The following DACH1 variants were observed in gnomAD, a reference collection of about 807,000 sequenced individuals.
DACH1 encodes the protein dachshund family transcription factor 1.
DACH1 carries 12 observed loss-of-function variants against 54.2 expected under a neutral mutation model. The ratio of observed to expected loss-of-function variants is 0.22; its 90% confidence interval spans 0.14 to 0.36. The LOEUF is 0.36. Among genes scored for constraint, DACH1 ranks in the 10% least tolerant of loss-of-function variants. DACH1 has a pLI of 1.00. For synonymous variants in DACH1, 386 were observed against 366.2 expected, an observed-to-expected ratio of 1.05 and a Z score of -0.62; for missense variants, 805 against 929.8, an observed-to-expected ratio of 0.87 and a Z score of 1.75.
intron 10 of DACH1, among the ~76,000 whole-genome samples, chr13:71,441,214 C>G (rs550783288): frequency 1.2e-4 from 19 of 152,074 alleles, no homozygotes; most frequent in Non-Finnish European, 2.2e-4. Context: ...TGAACTATAG[C>G]CTTTACCCCT....
chr13:71,561,822 A>G (rs1442816971), intron 4 of DACH1, among the ~76,000 whole-genome samples: 3 of 152,148 alleles, frequency 2.0e-5, no homozygotes, highest in Non-Finnish European at 2.9e-5. Flanking sequence ...TACATTGCCA[A>G]TAAACATCTT....
chr13:71,520,265 T>A (rs1052925981), intron 6 of DACH1, among the ~76,000 whole-genome samples: 14 of 151,640 alleles, frequency 9.2e-5, no homozygotes, highest in African/African-American at 4.8e-5. Flanking sequence ...ATGGTAAGAA[T>A]TAGGTGTAAT....
intron 1 of DACH1, among the ~76,000 whole-genome samples, chr13:71,709,433 T>G (rs1276312755): frequency 6.7e-6 from 1 of 149,494 alleles, no homozygotes; most frequent in African/African-American, 2.5e-5. Flanking sequence ...TCTTGTGCTG[T>G]CCTGCTTTGT....
intron 1 of DACH1, among the ~76,000 whole-genome samples, chr13:71,728,289 A>G (rs1237499475): frequency 1.3e-5 from 2 of 152,000 alleles, no homozygotes; most frequent in Non-Finnish European, 2.9e-5. Context: ...CAAAACTATG[A>G]TCATATCTCT....
chr13:71,829,848 T>C (rs1888516022), intron 1 of DACH1, among the ~76,000 whole-genome samples: 1 of 151,900 alleles, frequency 6.6e-6, no homozygotes, highest in Non-Finnish European at 1.5e-5. Flanking sequence ...TTATGTACTT[T>C]CTATTTGAGA....
chr13:71,635,460 T>C (rs574841217), intron 2 of DACH1, among the ~76,000 whole-genome samples: 10 of 152,240 alleles, frequency 6.6e-5, no homozygotes, highest in African/African-American at 9.6e-5. Context: ...GGTCTCATTG[T>C]ATATGTTGTT....
At chr13:71,679,898 G>A (rs544756105) in intron 2 of DACH1, among the ~76,000 whole-genome samples, 5 of 146,292 alleles carry the variant, frequency 3.4e-5, no homozygotes, top group Admixed American at 2.1e-4. Context: ...AGCCAAGATC[G>A]CGCCACTGCA....
chr13:71,633,317 T>C (rs1343164119), intron 2 of DACH1, among the ~76,000 whole-genome samples: 2 of 152,172 alleles, frequency 1.3e-5, no homozygotes, highest in Non-Finnish European at 2.9e-5. Flanking sequence ...GAATGCCACA[T>C]CATGTTTAGT....
intron 3 of DACH1, among the ~76,000 whole-genome samples, chr13:71,614,870 A>G (rs947369974): frequency 6.6e-6 from 1 of 151,472 alleles, no homozygotes; most frequent in African/African-American, 2.4e-5. Flanking sequence ...AAAAAAAAAA[A>G]AAAGCCACAA....
rs143173996 is a variant in DACH1, at chr13:71,444,947, C to T, written c.2084-4255G>A. On this transcript the variant is annotated intron_variant, in intron 10 of 10. Coordinates refer to ENST00000613252, the MANE Select transcript of DACH1 (RefSeq NM_080759.6). ...CAAGTACACCCTCTCTCCCTACTTC[C>T]CCTTCTGCTGCCTCCTATTGAACTT... is the stretch of plus-strand genomic sequence containing the variant. Among the ~76,000 whole-genome samples, 181 of 152,218 alleles carry T rather than the reference C, an allele frequency of 1.2e-3. 1 individual carries two copies. Among genetic ancestry groups the T allele is most frequent in the South Asian group, 2.1e-3 (10 of 4,822 alleles).
At chr13:71,645,755 A>G (rs1878220423) in intron 2 of DACH1, among the ~76,000 whole-genome samples, 1 of 152,220 alleles carries the variant, frequency 6.6e-6, no homozygotes, top group Non-Finnish European at 1.5e-5. Context: ...GCAGTAATGT[A>G]GCAAATACTT....
chr13:71,856,522 T>C (rs1233417196), intron 1 of DACH1, among the ~76,000 whole-genome samples: 1 of 152,002 alleles, frequency 6.6e-6, no homozygotes, highest in Non-Finnish European at 1.5e-5. Flanking sequence ...TACCAGAAGA[T>C]GCAAAAAGTA....
intron 10 of DACH1, among the ~76,000 whole-genome samples, chr13:71,463,834 C>G (rs1184916528): frequency 6.6e-6 from 1 of 151,952 alleles, no homozygotes; most frequent in African/African-American, 2.4e-5. Context: ...CAGGCTCTCT[C>G]CTTCCATTCC....
At chr13:71,763,830 CAT>C (rs767986822) in intron 1 of DACH1, among the ~76,000 whole-genome samples, 9 of 152,310 alleles carry the variant, frequency 5.9e-5, no homozygotes, top group African/African-American at 1.4e-4. Flanking sequence ...ATAATTAACA[CAT>C]GTTTGCAGAT....
intron 6 of DACH1, among the ~76,000 whole-genome samples, chr13:71,512,709 T>C (rs771690759): frequency 5.7e-4 from 87 of 152,044 alleles, no homozygotes; most frequent in Non-Finnish European, 9.9e-4. Context: ...GTAAATTGGC[T>C]ATAAGGAATT....
At chr13:71,806,328 G>A (rs1023017978) in intron 1 of DACH1, among the ~76,000 whole-genome samples, 3 of 152,164 alleles carry the variant, frequency 2.0e-5, no homozygotes, top group East Asian at 1.9e-4. Context: ...TGAGCCATTC[G>A]ACAATCACAG....
At chr13:71,534,811 T>C (rs1057047180) in intron 6 of DACH1, among the ~76,000 whole-genome samples, 1 of 151,832 alleles carries the variant, frequency 6.6e-6, no homozygotes, top group Non-Finnish European at 1.5e-5. Context: ...GCATGGATGA[T>C]TGAACGAAAA....
At chr13:71,573,354 T>G in intron 3 of DACH1, 1 of 700,740 alleles carries the variant, frequency 1.4e-6, no homozygotes, top group Non-Finnish European at 2.6e-6. Flanking sequence ...TGTCCTATTT[T>G]GCCAACTGAT....
At chr13:71,470,531 G>A (rs969430507) in intron 10 of DACH1, among the ~76,000 whole-genome samples, 1 of 152,010 alleles carries the variant, frequency 6.6e-6, no homozygotes, top group Non-Finnish European at 1.5e-5. Flanking sequence ...GTTTCACTAT[G>A]TTGGCCAGGC....
Sources: gnomAD v4.1 joint callset for allele counts (sites outside exome capture counted in the v4.1 genomes callset) on GRCh38, gnomAD v4.1.1 for gene constraint, MANE v1.5 for transcripts, NCBI Gene and HGNC (gene_info 2026-07-23, HGNC 2026-07-21) for gene names.